CAMTA1: variants seen among roughly 807,000 people sequenced by gnomAD.
The protein encoded by CAMTA1 is calmodulin-binding transcription activator 1.
A neutral mutation model predicts 170.9 loss-of-function variants in CAMTA1; 27 were observed. That is an observed-to-expected ratio of 0.16 (90% CI 0.12 to 0.22). CAMTA1 has a LOEUF of 0.22. CAMTA1 is among the 10% of genes least tolerant of loss of function. CAMTA1 has a pLI of 1.00. For synonymous variants in CAMTA1, 833 were observed against 891.5 expected, an observed-to-expected ratio of 0.93 and a Z score of 1.17; for missense variants, 1,619 against 2,217.2, an observed-to-expected ratio of 0.73 and a Z score of 5.42.
At chr1:6,976,132 A>G (rs1430403283) in intron 3 of CAMTA1, among the ~76,000 whole-genome samples, 1 of 152,214 alleles carries the variant, frequency 6.6e-6, no homozygotes, top group Non-Finnish European at 1.5e-5. Flanking sequence ...AGGAAGATCA[A>G]TCTGATCATG....
chr1:7,537,506 G>A (rs1173763544), intron 6 of CAMTA1, among the ~76,000 whole-genome samples: 2 of 152,212 alleles, frequency 1.3e-5, no homozygotes, highest in African/African-American at 2.4e-5. Context: ...GTGCACAGCG[G>A]GGCTGACTCT....
At chr1:6,996,650 T>C (rs1697294026) in intron 3 of CAMTA1, among the ~76,000 whole-genome samples, 1 of 151,322 alleles carries the variant, frequency 6.6e-6, no homozygotes, top group African/African-American at 2.4e-5. Context: ...TCTGTGACAC[T>C]GACTGGGGCC....
intron 1 of CAMTA1, among the ~76,000 whole-genome samples, chr1:6,807,983 TC>T (rs1644720552): frequency 6.6e-6 from 1 of 151,702 alleles, no homozygotes; most frequent in African/African-American, 2.4e-5. Flanking sequence ...TGGAAAGACT[TC>T]CGGGAGGAGG....
At chr1:7,679,251 T>C (rs2096158902) in intron 11 of CAMTA1, among the ~76,000 whole-genome samples, 1 of 152,172 alleles carries the variant, frequency 6.6e-6, no homozygotes, top group Non-Finnish European at 1.5e-5. Flanking sequence ...GCTCTGGCTC[T>C]CCCTGAGTGA....
intron 11 of CAMTA1, among the ~76,000 whole-genome samples, chr1:7,730,485 T>G (rs1371984838): frequency 1.3e-5 from 2 of 152,218 alleles, no homozygotes; most frequent in African/African-American, 4.8e-5. Context: ...TCTGTCCCCA[T>G]CCCATCCCTC....
At chr1:6,997,850 C>A (rs191674719) in intron 3 of CAMTA1, among the ~76,000 whole-genome samples, 1 of 151,558 alleles carries the variant, frequency 6.6e-6, no homozygotes, top group Non-Finnish European at 1.5e-5. Context: ...TTAGTAGGGA[C>A]GGGGTTTCAC....
chr1:7,761,395 G>T (rs1302895710), intron 22 of CAMTA1, among the ~76,000 whole-genome samples: 1 of 152,030 alleles, frequency 6.6e-6, no homozygotes, highest in Non-Finnish European at 1.5e-5. Flanking sequence ...TGTCTTCTGT[G>T]TAAGTGAATT....
rs988474481 is a variant in CAMTA1 at position 7,379,885 on chromosome 1, G to A, written c.439-87945G>A. On this transcript the variant is annotated intron_variant, in intron 5 of 22. Coordinates refer to ENST00000303635, the MANE Select transcript of CAMTA1 (RefSeq NM_015215.4). ...GAACCGACAAAGCCTGTCTGCGTGC[G>A]TCTGCCTTGCGCCATGGAGCAGAGA... Among the ~76,000 whole-genome samples, 4 of 152,194 alleles carry A rather than the reference G, an allele frequency of 2.6e-5. No homozygotes were observed. In the South Asian group the frequency reaches 8.3e-4, roughly 31 times the overall value.
rs567136945 is a variant in CAMTA1 at position 7,108,856 on chromosome 1, C to T, written c.302+17485C>T. On this transcript the variant is annotated intron_variant, in intron 4 of 22. Coordinates refer to ENST00000303635, the MANE Select transcript of CAMTA1 (RefSeq NM_015215.4). ...AGTCAGGAATCCAGGACAACTTAGC[C>T]AGGTCTCAAGGTTTCTCTCGGGGCT... 1.2e-3 allele frequency among the ~76,000 whole-genome samples: 176 copies of T among 152,294 alleles called. 2 individuals carry two copies. Among genetic ancestry groups the T allele is most frequent in the Non-Finnish European group, 2.2e-3 (153 of 68,024 alleles).
chr1:7,205,638 T>G (rs1241012771), intron 4 of CAMTA1, among the ~76,000 whole-genome samples: 1 of 152,370 alleles, frequency 6.6e-6, no homozygotes, highest in South Asian at 2.1e-4. Flanking sequence ...ACATATTTAT[T>G]TTCATGCTTT....
intron 4 of CAMTA1, among the ~76,000 whole-genome samples, chr1:7,206,777 C>T (rs1203811030): frequency 2.0e-5 from 3 of 152,214 alleles, no homozygotes; most frequent in Non-Finnish European, 2.9e-5. Context: ...CCAACATTAG[C>T]TATTGTCAAT....
At chr1:7,469,236 T>A (rs1276513087) in intron 6 of CAMTA1, among the ~76,000 whole-genome samples, 5 of 152,216 alleles carry the variant, frequency 3.3e-5, no homozygotes, top group African/African-American at 1.2e-4. Flanking sequence ...CCTGCTTTTC[T>A]AATTGCTCAG....
intron 3 of CAMTA1, among the ~76,000 whole-genome samples, chr1:7,076,024 G>A (rs564257806): frequency 7.9e-5 from 12 of 152,142 alleles, no homozygotes; most frequent in Non-Finnish European, 1.8e-4. Flanking sequence ...TAAGCTTATT[G>A]GAGAGAAGAC....
At chr1:6,835,043 A>G (rs1346149539) in intron 3 of CAMTA1, among the ~76,000 whole-genome samples, 1 of 152,174 alleles carries the variant, frequency 6.6e-6, no homozygotes, top group Non-Finnish European at 1.5e-5. Flanking sequence ...GACTGAGTGG[A>G]GTCAGCATGC....
Position 7,146,597 on chromosome 1 carries a change from A to G in CAMTA1, c.302+55226A>G, listed in dbSNP as rs1347307448. On this transcript the variant is annotated intron_variant, in intron 4 of 22. Coordinates refer to ENST00000303635, the MANE Select transcript of CAMTA1 (RefSeq NM_015215.4). This position sits in a 1 kb window ranked among gnomAD's most constrained non-coding sequence, Gnocchi z 4.3. ...TCCTGCCGGCTCCTCCTCCTTGAAC[A>G]CCAACCATCAGGTTGCCAGGACCTG... Among the ~76,000 whole-genome samples, 3 of 151,444 alleles carry G rather than the reference A, an allele frequency of 2.0e-5. No individual in the cohort carries two copies. The highest frequency in any genetic ancestry group is 2.9e-5 in the Non-Finnish European group (2 of 67,860).
chr1:7,093,127 C>T lies in CAMTA1; in HGVS notation c.302+1756C>T, dbSNP rs867861169. Among the ~76,000 whole-genome samples, 3 of 152,174 alleles carry T rather than the reference C, an allele frequency of 2.0e-5. No homozygotes were observed. The highest frequency in any genetic ancestry group is 4.8e-5 in the African/African-American group (2 of 41,436). ...ACATGCTCATTTCCCCTTTCTTCTGCGGCATCTTCTTGGAGGACATCATTC... is the reference window on the plus strand; with the variant it reads ...ACATGCTCATTTCCCCTTTCTTCTGTGGCATCTTCTTGGAGGACATCATTC... On this transcript the variant is annotated intron_variant, in intron 4 of 22. Coordinates refer to ENST00000303635, the MANE Select transcript of CAMTA1 (RefSeq NM_015215.4). This position sits in a 1 kb window ranked among gnomAD's most constrained non-coding sequence, Gnocchi z 4.6.
At chr1:7,499,076 A>AGT (rs751337924) in intron 6 of CAMTA1, among the ~76,000 whole-genome samples, 3 of 60,730 alleles carry the variant, frequency 4.9e-5, no homozygotes, top group Admixed American at 1.7e-4. Context: ...TATGTATATG[A>AGT]GTGTGTGTGT....
chr1:7,184,908 A>G (rs1652938778), intron 4 of CAMTA1, among the ~76,000 whole-genome samples: 1 of 152,206 alleles, frequency 6.6e-6, no homozygotes, highest in South Asian at 2.1e-4. Flanking sequence ...GCCATGTACC[A>G]CCAGTCTAAT....
rs1229312050 is a variant in CAMTA1, at chr1:6,970,272, A to G, written c.235-121032A>G. Reference sequence around the variant, plus strand: ...TGCCTTTTTTGGTCCACATGCATATATTTAGTGTATCTGTAATCCTAATGT... The same window carrying G: ...TGCCTTTTTTGGTCCACATGCATATGTTTAGTGTATCTGTAATCCTAATGT... On this transcript the variant is annotated intron_variant, in intron 3 of 22. Coordinates refer to ENST00000303635, the MANE Select transcript of CAMTA1 (RefSeq NM_015215.4). This position sits in a 1 kb window ranked among gnomAD's most constrained non-coding sequence, Gnocchi z 4.4. Among the ~76,000 whole-genome samples the G allele has an allele frequency of 1.3e-5, 2 of 152,146 alleles. No homozygotes were observed. The highest frequency in any genetic ancestry group is 2.4e-5 in the African/African-American group (1 of 41,434).
Sources: allele counts gnomAD v4.1 joint callset (sites outside exome capture counted in the v4.1 genomes callset), GRCh38; gene constraint gnomAD v4.1.1; non-coding constraint Gnocchi (gnomAD v3.1); transcripts MANE v1.5; gene names NCBI Gene and HGNC (gene_info 2026-07-23, HGNC 2026-07-21).